PABPC4L: variants seen among roughly 807,000 people sequenced by gnomAD.
PABPC4L encodes poly(A) binding protein cytoplasmic 4 like, also known as polyadenylate-binding protein 4-like.
For missense variants in PABPC4L, 452 were observed against 451.4 expected, an observed-to-expected ratio of 1.00 and a Z score of -0.01; for synonymous variants, 169 against 164.1, an observed-to-expected ratio of 1.03 and a Z score of -0.23.
At chr4:134,073,507 G>A in the PABPC4L span, among the ~76,000 whole-genome samples, 1 of 152,128 alleles carries the variant, frequency 6.6e-6, no homozygotes, top group Non-Finnish European at 1.5e-5. Flanking sequence ...TGTGCACAGT[G>A]CAAGCTGTCA....
chr4:134,119,421 A>AT, the PABPC4L span, among the ~76,000 whole-genome samples: 2 of 151,734 alleles, frequency 1.3e-5, no homozygotes, highest in South Asian at 4.1e-4. Context: ...TGATTATTTC[A>AT]TTTTTTTCAA....
chr4:134,015,367 C>G, the PABPC4L span, among the ~76,000 whole-genome samples: 1 of 152,120 alleles, frequency 6.6e-6, no homozygotes, highest in African/African-American at 2.4e-5. Context: ...CATATACTCT[C>G]CTATCCTCAA....
At chr4:134,093,972 C>T in the PABPC4L span, among the ~76,000 whole-genome samples, 1 of 151,518 alleles carries the variant, frequency 6.6e-6, no homozygotes, top group East Asian at 1.9e-4. Context: ...TTTCTTGCTG[C>T]CATAGCCCAG....
the PABPC4L span, among the ~76,000 whole-genome samples, chr4:134,053,829 C>T: frequency 2.6e-4 from 40 of 151,996 alleles, 1 homozygote; most frequent in South Asian, 3.1e-3. Context: ...CTTGTTTTGT[C>T]GTGTATTAAT....
the PABPC4L span, among the ~76,000 whole-genome samples, chr4:134,182,950 A>ATTGGT: frequency 6.6e-6 from 1 of 151,906 alleles, no homozygotes; most frequent in Non-Finnish European, 1.5e-5. Context: ...AAAAAGTCAC[A>ATTGGT]AAATAACAGA....
the PABPC4L span, among the ~76,000 whole-genome samples, chr4:133,950,896 A>G: frequency 6.6e-6 from 1 of 152,004 alleles, no homozygotes; most frequent in East Asian, 1.9e-4. Flanking sequence ...TTCCCCTACT[A>G]TTTATTAGGC....
chr4:134,000,905 C>A, the PABPC4L span, among the ~76,000 whole-genome samples: 1 of 152,112 alleles, frequency 6.6e-6, no homozygotes, highest in African/African-American at 2.4e-5. Flanking sequence ...TCCTGGGTCT[C>A]CAGCTTTCTG....
At chr4:133,981,637 T>C in the PABPC4L span, among the ~76,000 whole-genome samples, 1 of 152,070 alleles carries the variant, frequency 6.6e-6, no homozygotes, top group Non-Finnish European at 1.5e-5. Flanking sequence ...CTCAATCAAT[T>C]ATTTCTAGCA....
the PABPC4L span, among the ~76,000 whole-genome samples, chr4:133,969,894 A>G: frequency 6.6e-6 from 1 of 152,062 alleles, no homozygotes; most frequent in Admixed American, 6.5e-5. Flanking sequence ...GTTTCTGAAT[A>G]AAACAGTTCC....
chr4:134,040,927 A>G, the PABPC4L span, among the ~76,000 whole-genome samples: 1 of 152,308 alleles, frequency 6.6e-6, no homozygotes, highest in Non-Finnish European at 1.5e-5. Flanking sequence ...ATGAACAGAC[A>G]CTTCTCAAAA....
the PABPC4L span, among the ~76,000 whole-genome samples, chr4:134,053,939 T>TA: frequency 6.6e-6 from 1 of 151,768 alleles, no homozygotes; most frequent in African/African-American, 2.4e-5. Flanking sequence ...GGAATGATGA[T>TA]ATCCACACAA....
the PABPC4L span, among the ~76,000 whole-genome samples, chr4:133,956,523 C>A: frequency 6.6e-6 from 1 of 151,992 alleles, no homozygotes. Context: ...ACAACAGAAA[C>A]AGGATGGTCA....
At chr4:133,969,486 A>C in the PABPC4L span, among the ~76,000 whole-genome samples, 1 of 152,308 alleles carries the variant, frequency 6.6e-6, no homozygotes, top group African/African-American at 2.4e-5. Flanking sequence ...GCCTTTGTGC[A>C]GCCAGCAGGA....
chr4:134,131,124 A>T, the PABPC4L span, among the ~76,000 whole-genome samples: 1 of 152,250 alleles, frequency 6.6e-6, no homozygotes, highest in South Asian at 2.1e-4. Context: ...CCCCCTGAGA[A>T]CTGGCACAAG....
the PABPC4L span, among the ~76,000 whole-genome samples, chr4:134,056,717 T>G: frequency 6.6e-6 from 1 of 152,126 alleles, no homozygotes; most frequent in African/African-American, 2.4e-5. Context: ...TACAATTGAT[T>G]TTTTACTATG....
chr4:134,041,555 C>T, the PABPC4L span, among the ~76,000 whole-genome samples: 2 of 151,588 alleles, frequency 1.3e-5, no homozygotes, highest in Admixed American at 6.6e-5. Flanking sequence ...GGGGTGGGGG[C>T]ATCACACACT....
chr4:134,201,543 AG>A (rs1320871607), intron 1 of PABPC4L, among the ~76,000 whole-genome samples, 174 bp downstream of exon 1: 2 of 151,970 alleles, frequency 1.3e-5, no homozygotes, highest in African/African-American at 4.8e-5. Flanking sequence ...GCCGCCGCCG[AG>A]GCGCTGCCGG....
chr4:134,048,312 G>A, the PABPC4L span, among the ~76,000 whole-genome samples: 2 of 152,064 alleles, frequency 1.3e-5, no homozygotes, highest in African/African-American at 4.8e-5. Context: ...CAATAGAACT[G>A]TAACCATTTT....
At chr4:134,052,000 CT>C in the PABPC4L span, among the ~76,000 whole-genome samples, 1 of 151,764 alleles carries the variant, frequency 6.6e-6, no homozygotes, top group African/African-American at 2.4e-5. Context: ...GAAAACGTTT[CT>C]TTTAAAAAAA....
Sources: allele counts gnomAD v4.1 joint callset (sites outside exome capture counted in the v4.1 genomes callset), GRCh38; gene constraint gnomAD v4.1.1; transcripts MANE v1.5; gene names NCBI Gene and HGNC (gene_info 2026-07-23, HGNC 2026-07-21).